The following CFAP69 variants were observed in gnomAD, a reference collection of about 807,000 sequenced individuals.
CFAP69 encodes the protein cilia and flagella associated protein 69.
In CFAP69, 92 loss-of-function variants were observed where a neutral mutation model predicts 123.0. The observed-to-expected ratio is 0.75, with a 90% CI of 0.63 to 0.89. CFAP69 has a LOEUF of 0.89. Among genes scored for constraint, CFAP69 ranks in the 40% least tolerant of loss-of-function variants. The pLI, the probability that CFAP69 is intolerant of heterozygous loss-of-function variation, is 0.00. For missense variants in CFAP69, 1,067 were observed against 1,096.9 expected (o/e 0.97, Z 0.39); for synonymous variants, 380 against 364.3 (o/e 1.04, Z -0.49).
chr7:90,249,970 A>G (rs551330360), intron 1 of CFAP69, among the ~76,000 whole-genome samples: 1 of 152,164 alleles, frequency 6.6e-6, no homozygotes, highest in African/African-American at 2.4e-5. Flanking sequence ...CTTTTAGTTG[A>G]TATCATATCC....
chr7:90,258,046 A>G (rs1176938144), intron 2 of CFAP69, 52 bp from the exon 3 acceptor site: 7 of 1,332,462 alleles, frequency 5.3e-6, no homozygotes, highest in Non-Finnish European at 7.4e-6. Flanking sequence ...ATTTTTTAAA[A>G]TCTCAACAGA....
At chr7:90,275,848 C>T (rs566398379) in intron 9 of CFAP69, among the ~76,000 whole-genome samples, 2 of 152,072 alleles carry the variant, frequency 1.3e-5, no homozygotes, top group Admixed American at 6.5e-5. Flanking sequence ...AGGATCTGCC[C>T]GCCTTGGCCT....
Position 90,271,898 on chromosome 7 carries a change from T to TG in CFAP69, c.801dup (p.Leu268AlafsTer14). The TG allele has an allele frequency of 6.2e-7, 1 of 1,613,030 alleles. No individual in the cohort carries two copies. Among genetic ancestry groups the TG allele is most frequent in the Non-Finnish European group, 8.5e-7 (1 of 1,179,400 alleles). On this transcript the variant is annotated frameshift_variant, in exon 8 of 23. Coordinates refer to ENST00000389297, the MANE Select transcript of CFAP69 (RefSeq NM_001039706.3). LOFTEE classifies it high-confidence loss of function. ...CGTTCATCAGAAATACTTTGGAACT[T>TG]GCTGGAAAAATCTTCAAAAGAAGAA...
At chr7:90,303,055 A>G (rs574261760) in intron 17 of CFAP69, 16 of 152,080 alleles carry the variant, frequency 1.1e-4, no homozygotes, top group Middle Eastern at 6.8e-3. Flanking sequence ...CTGTATTCCT[A>G]GGTATTTTAT....
chr7:90,297,709 A>T, intron 15 of CFAP69, 40 bp from the exon 16 acceptor site: 3 of 1,288,214 alleles, frequency 2.3e-6, no homozygotes, highest in Non-Finnish European at 3.3e-6. Context: ...CAGTTTAACA[A>T]TAAATGTTTG....
intron 1 of CFAP69, among the ~76,000 whole-genome samples, chr7:90,248,258 T>G (rs1259814853): frequency 6.6e-6 from 1 of 152,242 alleles, no homozygotes; most frequent in African/African-American, 2.4e-5. Context: ...CAGACCTAAA[T>G]TGAACCTTTC....
intron 15 of CFAP69, among the ~76,000 whole-genome samples, chr7:90,294,718 T>A (rs1371110585): frequency 3.9e-5 from 6 of 152,234 alleles, no homozygotes; most frequent in Admixed American, 1.3e-4. Flanking sequence ...GTCCTAACCC[T>A]ATGTTCTCTC....
At chr7:90,279,963 A>G in intron 12 of CFAP69, 70 bp downstream of exon 12, 4 of 1,152,778 alleles carry the variant, frequency 3.5e-6, no homozygotes, top group Non-Finnish European at 4.8e-6. Flanking sequence ...CAGTATATGC[A>G]TAGAAATAAC....
At chr7:90,252,961 TTAAC>T (rs1329596137) in intron 1 of CFAP69, among the ~76,000 whole-genome samples, 2 of 152,192 alleles carry the variant, frequency 1.3e-5, no homozygotes, top group African/African-American at 4.8e-5. Flanking sequence ...TGCCATGGTA[TTAAC>T]TAACACTAAG....
chr7:90,315,672 G>A (rs2117551606), downstream of CFAP69, among the ~76,000 whole-genome samples: 1 of 152,240 alleles, frequency 6.6e-6, no homozygotes, highest in South Asian at 2.1e-4. Flanking sequence ...GTACCGGGGT[G>A]ACAAAATAAT....
At chr7:90,270,836 A>C (rs142162964) in intron 6 of CFAP69, among the ~76,000 whole-genome samples, 87 of 152,284 alleles carry the variant, frequency 5.7e-4, no homozygotes, top group African/African-American at 2.0e-3. Flanking sequence ...AAAAGGAGAG[A>C]TAGTATTTCT....
intron 16 of CFAP69, 109 bp from the exon 17 acceptor site, chr7:90,299,758 G>A (rs999845450): frequency 1.1e-6 from 1 of 907,886 alleles, no homozygotes; most frequent in African/African-American, 1.7e-5. Flanking sequence ...CTGACTCTGA[G>A]TTTAGAAGAA....
chr7:90,307,717 A>C, intron 20 of CFAP69, 51 bp from the exon 21 acceptor site: 1 of 1,321,832 alleles, frequency 7.6e-7, no homozygotes, highest in Non-Finnish European at 1.0e-6. Flanking sequence ...CTGTCTCAAA[A>C]AAAAAAAAGA....
Position 90,265,327 on chromosome 7 carries a change from C to G in CFAP69, c.383C>G (p.Ser128Trp). 6.2e-7 allele frequency: 1 copy of G among 1,610,694 alleles called. No individual in the cohort carries two copies. Among genetic ancestry groups the G allele is most frequent in the East Asian group, 2.2e-5 (1 of 44,662 alleles). ...TTGCCATTTTTGAAAAAGAAAGTGT[C>G]GGATGAAATAACTTATGCTGAAGAT... The part of the protein sequence containing the change: ...CGLPFLKKKV[S>W]DEITYAEDTA... The change falls in exon 5 of 23, where the codon TCG (serine) becomes TGG (tryptophan). Residue 128 changes from serine to tryptophan, a missense_variant. Ser to Trp is a radical substitution (Grantham distance 177). Coordinates refer to ENST00000389297, the MANE Select transcript of CFAP69 (RefSeq NM_001039706.3).
intron 4 of CFAP69, among the ~76,000 whole-genome samples, chr7:90,264,104 AATAT>A (rs71104454): frequency 0.016 from 797 of 48,472 alleles, 9 homozygotes; most frequent in Non-Finnish European, 0.025. Context: ...AAAAAAAAAA[AATAT>A]ATATATATAT....
intron 13 of CFAP69, among the ~76,000 whole-genome samples, chr7:90,284,611 G>T (rs1472551358): frequency 6.6e-6 from 1 of 152,142 alleles, no homozygotes; most frequent in Non-Finnish European, 1.5e-5. Context: ...CAGAGTAAAT[G>T]TTACAGAAAC....
At chr7:90,261,113 T>G (rs1432429274) in intron 3 of CFAP69, among the ~76,000 whole-genome samples, 1 of 150,838 alleles carries the variant, frequency 6.6e-6, no homozygotes, top group African/African-American at 2.4e-5. Flanking sequence ...AGAATCTCAC[T>G]GTGTCACTCA....
At chr7:90,297,203 T>A (rs1196805236) in intron 15 of CFAP69, among the ~76,000 whole-genome samples, 1 of 152,226 alleles carries the variant, frequency 6.6e-6, no homozygotes, top group Non-Finnish European at 1.5e-5. Flanking sequence ...TGTTTTTTCA[T>A]TCTTAAGATC....
chr7:90,286,218 G>T, intron 13 of CFAP69, 63 bp from the exon 14 acceptor site: 1 of 1,364,254 alleles, frequency 7.3e-7, no homozygotes. Flanking sequence ...TTTCCAAACA[G>T]TAATTGATCA....
Sources: allele counts gnomAD v4.1 joint callset (sites outside exome capture counted in the v4.1 genomes callset), GRCh38; gene constraint gnomAD v4.1.1; transcripts MANE v1.5; gene names NCBI Gene and HGNC (gene_info 2026-07-23, HGNC 2026-07-21).